MFSD1: variants seen among roughly 807,000 people sequenced by gnomAD.
MFSD1 encodes the protein major facilitator superfamily domain containing 1, also known as lysosomal dipeptide transporter MFSD1.
In MFSD1, 59 loss-of-function variants were observed where a neutral mutation model predicts 67.1. The ratio of observed to expected loss-of-function variants is 0.88; its 90% CI spans 0.71 to 1.09. MFSD1 has a LOEUF of 1.09. Ranked by LOEUF, MFSD1 falls within the 50% of genes least tolerant of loss-of-function variation. The pLI is 0.00. For synonymous variants in MFSD1, 213 were observed against 200.3 expected (o/e 1.06, Z -0.54); for missense variants, 552 against 566.1 (o/e 0.97, Z 0.25).
chr3:158,804,421 T>A, intron 2 of MFSD1, 50 bp downstream of exon 2: 1 of 1,495,930 alleles, frequency 6.7e-7, no homozygotes, highest in Non-Finnish European at 9.3e-7. Flanking sequence ...AGAGCAAGTG[T>A]AGCGGTGGAG....
intron 5 of MFSD1, 118 bp from the exon 6 acceptor site, chr3:158,809,061 G>T: frequency 3.1e-6 from 2 of 644,508 alleles, no homozygotes; most frequent in Non-Finnish European, 5.1e-6. Context: ...AAGGGGAGGG[G>T]ACAGAGGCCC....
In MFSD1 at chr3:158,819,695, C is replaced by A. The variant is rs896179872; in HGVS notation, c.699C>A (p.Ala233=). The part of the protein sequence containing the change: ...ILSLICALAL[A]YLDQRAERIL... ...CACTAATCTGTGCCTTGGCTCTTGC[C>A]TACTTGGATCAGAGAGCAGAGAGAA... Residue 233 remains alanine (A), a synonymous_variant, in exon 8 of 16, where the codon GCC becomes GCA. Transcript: ENST00000415822. 6.2e-6 allele frequency: 10 copies of A among 1,608,224 alleles called. No homozygotes were observed. Among genetic ancestry groups the A allele is most frequent in the Middle Eastern group, 1.6e-4 (1 of 6,064 alleles).
chr3:158,820,525 T>G (rs1339573052), intron 9 of MFSD1, among the ~76,000 whole-genome samples, 199 bp downstream of exon 9: 1 of 152,220 alleles, frequency 6.6e-6, no homozygotes, highest in African/African-American at 2.4e-5. Flanking sequence ...ATTATTCTTT[T>G]GAAGAAATAC....
At chr3:158,806,314 G>A (rs751605833) in intron 3 of MFSD1, among the ~76,000 whole-genome samples, 3 of 152,106 alleles carry the variant, frequency 2.0e-5, no homozygotes, top group Non-Finnish European at 4.4e-5. Flanking sequence ...TGAGGAGTTT[G>A]CTTGGTCAGA....
chr3:158,808,323 G>A (rs947101778), intron 5 of MFSD1, among the ~76,000 whole-genome samples: 3 of 152,088 alleles, frequency 2.0e-5, no homozygotes, highest in African/African-American at 7.2e-5. Context: ...TTAATACTGA[G>A]GTGGCCTCGG....
intron 5 of MFSD1, chr3:158,808,964 C>T (rs1729863549): frequency 2.3e-6 from 1 of 427,530 alleles, no homozygotes; most frequent in African/African-American, 2.0e-5. Context: ...AAGGTGATGT[C>T]ACCTTTTATA....
At chr3:158,803,672 C>G (rs1184495705) in intron 1 of MFSD1, among the ~76,000 whole-genome samples, 1 of 152,234 alleles carries the variant, frequency 6.6e-6, no homozygotes, top group Non-Finnish European at 1.5e-5. Flanking sequence ...TTGTAGCCTA[C>G]GAAGGAATCT....
At chr3:158,821,688 A>G (rs375528952) in intron 10 of MFSD1, 35 bp downstream of exon 10, 2 of 1,491,626 alleles carry the variant, frequency 1.3e-6, no homozygotes, top group Non-Finnish European at 1.9e-6. Flanking sequence ...TGCCTATTGC[A>G]TGTGAAGTAT....
rs1730833144 is a variant in MFSD1, at chr3:158,824,147, G to A, written c.1199G>A (p.Gly400Glu). The A allele has an allele frequency of 6.2e-7, 1 of 1,612,194 alleles. No homozygotes were observed. Among genetic ancestry groups the A allele is most frequent in the Middle Eastern group, 1.7e-4 (1 of 6,048 alleles). ...AGCATGCAGTCCATTCAGAATCTTG[G>A]GTTGGCCATCATTTCCATCATTGCT... ...YGFMQSIQNLGLAIISIIAGM... is the reference protein window; with the variant it reads ...YGFMQSIQNLELAIISIIAGM... Residue 400 changes from glycine (G) to glutamate (E), a missense_variant, in exon 13 of 16, where the codon GGG becomes GAG. Gly to Glu is a moderately conservative substitution (Grantham distance 98, BLOSUM62 -2). Transcript: ENST00000415822.
chr3:158,804,360 C>G lies in MFSD1; in HGVS notation c.205C>G (p.Gln69Glu). The change falls in exon 2 of 16, where the codon CAA becomes GAA. Residue 69 changes from glutamine to glutamate, a missense_variant. Transcript: ENST00000415822. ...CYDNPAALQTQVKRDMQVNTT... is the reference protein window; with the variant it reads ...CYDNPAALQTEVKRDMQVNTT... ...TGATAATCCTGCTGCCCTTCAGACT[C>G]AAGTTAAACGAGTAAGTTGATTTTT... The G allele has an allele frequency of 6.2e-7, 1 of 1,610,880 alleles. No homozygotes were observed. Among genetic ancestry groups the G allele is most frequent in the Non-Finnish European group, 8.5e-7 (1 of 1,178,960 alleles).
At chr3:158,827,365 C>A in intron 15 of MFSD1, 28 bp downstream of exon 15, 3 of 1,267,900 alleles carry the variant, frequency 2.4e-6, no homozygotes, top group Non-Finnish European at 3.2e-6. Flanking sequence ...AAAAAGTTGT[C>A]TTTATTTTTG....
intron 7 of MFSD1, among the ~76,000 whole-genome samples, chr3:158,814,552 C>T (rs1265346981): frequency 6.6e-6 from 1 of 152,028 alleles, no homozygotes; most frequent in East Asian, 2.0e-4. Context: ...AACTCCTGAC[C>T]TCAGGGGATC....
At chr3:158,815,406 A>G (rs1730273982) in intron 7 of MFSD1, among the ~76,000 whole-genome samples, 1 of 145,122 alleles carries the variant, frequency 6.9e-6, no homozygotes, top group Non-Finnish European at 1.5e-5. Context: ...TCAAGTATCT[A>G]CAACAAGAGC....
At chr3:158,824,455 A>T in intron 13 of MFSD1, 1 of 470,600 alleles carries the variant, frequency 2.1e-6, no homozygotes, top group Non-Finnish European at 3.8e-6. Flanking sequence ...TGTTTTAACT[A>T]TTTACAGTTT....
At chr3:158,816,164 T>C (rs1730330140) in intron 7 of MFSD1, among the ~76,000 whole-genome samples, 1 of 152,090 alleles carries the variant, frequency 6.6e-6, no homozygotes, top group South Asian at 2.1e-4. Context: ...TTTGGGTATA[T>C]ACCCAGTAAT....
At position 158,813,918 on chromosome 3, in the gene MFSD1, T is replaced by G. The variant is rs538750414; in HGVS notation, c.550-47T>G. On this transcript the variant is annotated intron_variant, in intron 6 of 15. Coordinates refer to ENST00000415822, the MANE Select transcript of MFSD1 (RefSeq NM_022736.4). ...TCCCTTTTTTTGAACAAAGCAGAGATATATATGATTTAAAATGCTGTTGTT... is the reference window on the plus strand; with the variant it reads ...TCCCTTTTTTTGAACAAAGCAGAGAGATATATGATTTAAAATGCTGTTGTT... The G allele has an allele frequency of 2.5e-5, 33 of 1,345,182 alleles. No homozygotes were observed. The South Asian group carries it at 4.0e-4, about 16-fold the overall frequency. The allele number at this position is 1,345,182 out of a possible 1,614,324, so 83.3% of individuals were successfully genotyped here.
chr3:158,811,169 T>G (rs950961556), intron 6 of MFSD1, among the ~76,000 whole-genome samples: 1 of 152,136 alleles, frequency 6.6e-6, no homozygotes, highest in South Asian at 2.1e-4. Context: ...ATGTAGAGTG[T>G]GGGGGAAAAA....
chr3:158,827,202 G>C, intron 14 of MFSD1, 78 bp from the exon 15 acceptor site: 1 of 822,294 alleles, frequency 1.2e-6, no homozygotes, highest in Non-Finnish European at 1.9e-6. Context: ...GCAAATGGTT[G>C]CATGTATGTA....
Position 158,819,640 on chromosome 3 carries a change from TTTA to T in MFSD1, c.653-6_653-4del. The T allele has an allele frequency of 5.0e-6, 7 of 1,394,728 alleles. No homozygotes were observed. The highest frequency in any genetic ancestry group is 3.9e-5 in the South Asian group (3 of 76,292). 86.4% of individuals were successfully genotyped at this position (1,394,728 alleles called of 1,614,324 possible). A position where few individuals can be genotyped will look rare whatever the true frequency, so the allele number is the denominator to read the frequency against. ...AGTCTGTTTTTCTTTTTTTTTTTTT[TTTA>T]TTTAGGGGGTATAACGTGTATTCTT... is the stretch of plus-strand genomic sequence containing the variant. On this transcript the variant is annotated splice_polypyrimidine_tract_variant and splice_region_variant and intron_variant, in intron 7 of 15. Coordinates refer to ENST00000415822, the MANE Select transcript of MFSD1 (RefSeq NM_022736.4).
Sources: allele counts gnomAD v4.1 joint callset (sites outside exome capture counted in the v4.1 genomes callset), GRCh38; gene constraint gnomAD v4.1.1; transcripts MANE v1.5; gene names NCBI Gene and HGNC (gene_info 2026-07-23, HGNC 2026-07-21).